SLC2A13: variants seen among roughly 807,000 people sequenced by gnomAD.
SLC2A13 encodes the protein solute carrier family 2 member 13, also known as proton myo-inositol cotransporter.
In SLC2A13, 32 loss-of-function variants were observed where a neutral mutation model predicts 64.4. The observed-to-expected ratio is 0.50, with a 90% CI of 0.37 to 0.67. The LOEUF is 0.67. Among genes scored for constraint, SLC2A13 ranks in the 30% least tolerant of loss-of-function variants. The pLI is 0.00. For synonymous variants in SLC2A13, 338 were observed against 327.1 expected, an observed-to-expected ratio of 1.03 and a Z score of -0.36; for missense variants, 743 against 829.2, an observed-to-expected ratio of 0.90 and a Z score of 1.28.
intron 3 of SLC2A13, among the ~76,000 whole-genome samples, chr12:39,974,930 T>G (rs1038460622): frequency 6.6e-6 from 1 of 152,224 alleles, no homozygotes; most frequent in African/African-American, 2.4e-5. Context: ...TAATCAAGTG[T>G]TTTGTGTTCA....
At chr12:39,900,599 G>C (rs1261070984) in intron 4 of SLC2A13, among the ~76,000 whole-genome samples, 1 of 152,118 alleles carries the variant, frequency 6.6e-6, no homozygotes, top group African/African-American at 2.4e-5. Context: ...TTGCTTCAAA[G>C]AGAATAAAAT....
At chr12:39,940,539 G>A (rs1946001866) in intron 4 of SLC2A13, among the ~76,000 whole-genome samples, 1 of 151,930 alleles carries the variant, frequency 6.6e-6, no homozygotes, top group African/African-American at 2.4e-5. Context: ...TCAACCATCA[G>A]CCTAGCTTGT....
At chr12:39,971,972 G>T (rs1429011254) in intron 3 of SLC2A13, among the ~76,000 whole-genome samples, 1 of 71,232 alleles carries the variant, frequency 1.4e-5, no homozygotes, top group Non-Finnish European at 2.9e-5. Context: ...GATGGAGCAA[G>T]AGTGTCTCCA....
rs377242697 is a variant in SLC2A13 at position 39,963,725 on chromosome 12, G to A, written c.926-12360C>T. 2.6e-4 allele frequency among the ~76,000 whole-genome samples: 39 copies of A among 152,206 alleles called. 1 individual carries two copies. The East Asian group carries it at 3.3e-3, about 13-fold the overall frequency. ...GCTCCTAAACATTAATCATTTGCTTGGTTAAAGAAACTGTATTTGTATAGA... is the reference window on the plus strand; with the variant it reads ...GCTCCTAAACATTAATCATTTGCTTAGTTAAAGAAACTGTATTTGTATAGA... On this transcript the variant is annotated intron_variant, in intron 3 of 9. Coordinates refer to ENST00000280871, the MANE Select transcript of SLC2A13 (RefSeq NM_052885.4).
At chr12:39,922,630 T>C (rs1237593720) in intron 4 of SLC2A13, among the ~76,000 whole-genome samples, 1 of 152,252 alleles carries the variant, frequency 6.6e-6, no homozygotes, top group Non-Finnish European at 1.5e-5. Context: ...TTTTTACTTA[T>C]ACAATACAAT....
intron 6 of SLC2A13, among the ~76,000 whole-genome samples, chr12:39,849,448 G>T (rs1177366926): frequency 1.3e-5 from 2 of 152,156 alleles, no homozygotes; most frequent in Admixed American, 6.5e-5. Flanking sequence ...CAGAAGCTCA[G>T]TAATGTCAAG....
At chr12:39,918,388 CAA>C (rs1945556411) in intron 4 of SLC2A13, among the ~76,000 whole-genome samples, 1 of 133,362 alleles carries the variant, frequency 7.5e-6, no homozygotes, top group Non-Finnish European at 1.6e-5. Flanking sequence ...CGGTACGAAA[CAA>C]GAGTCTTTAT....
chr12:39,966,424 C>G (rs1296548803), intron 3 of SLC2A13, among the ~76,000 whole-genome samples: 2 of 152,088 alleles, frequency 1.3e-5, no homozygotes, highest in Non-Finnish European at 2.9e-5. Flanking sequence ...TTCACAGACA[C>G]ATGCCCACAA....
chr12:39,827,317 T>C (rs1942723290), intron 7 of SLC2A13, among the ~76,000 whole-genome samples: 1 of 152,144 alleles, frequency 6.6e-6, no homozygotes, highest in South Asian at 2.1e-4. Context: ...TTATTTCCAT[T>C]TGTAGTCCCA....
At chr12:39,912,116 G>T (rs182539176) in intron 4 of SLC2A13, among the ~76,000 whole-genome samples, 1 of 151,926 alleles carries the variant, frequency 6.6e-6, no homozygotes, top group Non-Finnish European at 1.5e-5. Flanking sequence ...TCCCCACAAT[G>T]ATCAACCTTC....
chr12:39,905,355 T>C (rs542690678), intron 4 of SLC2A13, among the ~76,000 whole-genome samples: 8 of 152,246 alleles, frequency 5.3e-5, no homozygotes, highest in African/African-American at 1.9e-4. Context: ...TCATCCAAGC[T>C]GCACAGTGCG....
chr12:40,031,206 T>C (rs1422745499), intron 2 of SLC2A13, among the ~76,000 whole-genome samples: 2 of 152,052 alleles, frequency 1.3e-5, no homozygotes, highest in Non-Finnish European at 2.9e-5. Context: ...CCTGGTCAAG[T>C]TACTTACACC....
chr12:39,967,341 T>G (rs533650225), intron 3 of SLC2A13, among the ~76,000 whole-genome samples: 1 of 152,312 alleles, frequency 6.6e-6, no homozygotes, highest in South Asian at 2.1e-4. Context: ...TATGCTGTAT[T>G]TTAGCATGGC....
At chr12:40,032,466 T>C (rs1345879900) in intron 2 of SLC2A13, among the ~76,000 whole-genome samples, 1 of 152,232 alleles carries the variant, frequency 6.6e-6, no homozygotes, top group East Asian at 1.9e-4. Context: ...AGCACCTGCC[T>C]ACCAAAGCAG....
At chr12:39,907,736 A>G (rs1327883151) in intron 4 of SLC2A13, 2 of 151,826 alleles carry the variant, frequency 1.3e-5, no homozygotes, top group Non-Finnish European at 2.9e-5. Flanking sequence ...GAAGCTGTAA[A>G]TGTCTGGAAA....
chr12:40,105,473 C>A lies in SLC2A13; in HGVS notation c.336G>T (p.Gln112His), dbSNP rs759063094. The change falls in exon 1 of 10, where the codon CAG becomes CAT. Residue 112 changes from glutamine to histidine, a missense_variant. This residue lies in a region of SLC2A13 where 448 missense variants were observed against 447.4 expected (regional missense o/e 1.00). Coordinates refer to ENST00000280871, the MANE Select transcript of SLC2A13 (RefSeq NM_052885.4). This position sits in a 1 kb window ranked among gnomAD's most constrained non-coding sequence, Gnocchi z 4.2. ...VSGAMLLLKR[Q>H]LSLDALWQEL... ...CCTGCCACAGCGCGTCCAGACTGAG[C>A]TGCCGCTTGAGCAGCAGCATGGCCC... The A allele has an allele frequency of 1.1e-5, 17 of 1,565,952 alleles. No homozygotes were observed. Among genetic ancestry groups the A allele is most frequent in the Admixed American group, 1.9e-5 (1 of 53,572 alleles).
intron 3 of SLC2A13, among the ~76,000 whole-genome samples, chr12:39,972,425 A>T (rs1946679781): frequency 6.6e-6 from 1 of 152,192 alleles, no homozygotes; most frequent in Admixed American, 6.5e-5. Context: ...TTCACTGAGG[A>T]AACAGAAGCA....
rs570362279 is a variant in SLC2A13, at chr12:40,103,129, A to C, written c.556+2124T>G. On this transcript the variant is annotated intron_variant, in intron 1 of 9. Coordinates refer to ENST00000280871, the MANE Select transcript of SLC2A13 (RefSeq NM_052885.4). ...CAACCAGCCCAGAGACCACAGAATG[A>C]GGCTGCAAGACAGAGAGGCCTCCAC... Among the ~76,000 whole-genome samples, 13 of 152,332 alleles carry C rather than the reference A, an allele frequency of 8.5e-5. No individual in the cohort carries two copies. The South Asian group carries it at 1.7e-3, about 19-fold the overall frequency.
chr12:39,853,471 G>GT (rs1943523208), intron 6 of SLC2A13, among the ~76,000 whole-genome samples: 1 of 151,962 alleles, frequency 6.6e-6, no homozygotes, highest in African/African-American at 2.4e-5. Context: ...TTGTGACAAG[G>GT]TCTTAAAGCA....
Sources: gnomAD v4.1 joint callset for allele counts (sites outside exome capture counted in the v4.1 genomes callset) on GRCh38, gnomAD v4.1.1 for gene constraint, gnomAD v4.1.1 regional missense constraint, Gnocchi (gnomAD v3.1) non-coding constraint, MANE v1.5 for transcripts, NCBI Gene and HGNC (gene_info 2026-07-23, HGNC 2026-07-21) for gene names.